The following DNAH14 variants were observed in gnomAD, a reference collection of about 807,000 sequenced individuals.
DNAH14 encodes the protein axonemal beta dynein heavy chain 14.
A neutral mutation model predicts 520.9 loss-of-function variants in DNAH14; 478 were observed. That is an observed-to-expected ratio of 0.92 (90% CI 0.85 to 0.99). DNAH14 has a LOEUF of 0.99. Among genes scored for constraint, DNAH14 ranks in the 50% least tolerant of loss-of-function variants. The pLI, the probability that DNAH14 is intolerant of heterozygous loss-of-function variation, is 0.00. For synonymous variants in DNAH14, 1,581 were observed against 1,757.2 expected (o/e 0.90, Z 2.51); for missense variants, 4,831 against 5,234.5 (o/e 0.92, Z 2.38).
At chr1:225,309,786 A>G (rs1184466638) in intron 60 of DNAH14, among the ~76,000 whole-genome samples, 3 of 152,044 alleles carry the variant, frequency 2.0e-5, no homozygotes, top group Non-Finnish European at 2.9e-5. Context: ...CCAGCTACTT[A>G]GGAGGCTGAG....
At chr1:225,011,090 C>T (rs1266289819) in intron 10 of DNAH14, among the ~76,000 whole-genome samples, 1 of 150,822 alleles carries the variant, frequency 6.6e-6, no homozygotes, top group Non-Finnish European at 1.5e-5. Context: ...TTGTGTGTCT[C>T]TATTTCCTTC....
At chr1:224,973,668 T>C (rs1458929445) in intron 7 of DNAH14, among the ~76,000 whole-genome samples, 1 of 152,210 alleles carries the variant, frequency 6.6e-6, no homozygotes, top group African/African-American at 2.4e-5. Flanking sequence ...CAAAATGACA[T>C]ACATTGCCTT....
intron 1 of DNAH14, among the ~76,000 whole-genome samples, chr1:224,941,253 A>G (rs2125399865): frequency 6.6e-6 from 1 of 152,034 alleles, no homozygotes; most frequent in East Asian, 1.9e-4. Flanking sequence ...TTTGATTTGC[A>G]TTTCTCTGAT....
At position 225,094,669 on chromosome 1, in the gene DNAH14, AAAAAAAAAACAACAAAACAAACAAAC is replaced by A. The variant is rs2074743111; in HGVS notation, c.3574-2441_3574-2416del. Among the ~76,000 whole-genome samples, 3 of 100,518 alleles carry A rather than the reference AAAAAAAAAACAACAAAACAAACAAAC, an allele frequency of 3.0e-5. No homozygotes were observed. The African/African-American group carries it at 3.2e-4, about 11-fold the overall frequency. 65.9% of individuals were successfully genotyped at this position (100,518 alleles called of 152,430 possible). On this transcript the variant is annotated intron_variant, in intron 21 of 85. Transcript: ENST00000682510. ...GCTTCTGCACAGCAAAAAAAAAAAA[AAAAAAAAAACAACAAAACAAACAAAC>A]AAAAAAACGCTATCAACAGAGTAAA...
intron 71 of DNAH14, among the ~76,000 whole-genome samples, chr1:225,349,098 G>A (rs1052663144): frequency 5.3e-5 from 8 of 152,118 alleles, no homozygotes; most frequent in Non-Finnish European, 1.0e-4. Flanking sequence ...CACCTCCCAA[G>A]TAGCTGGGAC....
At chr1:225,335,976 T>G (rs941118633) in intron 66 of DNAH14, among the ~76,000 whole-genome samples, 1 of 146,032 alleles carries the variant, frequency 6.8e-6, no homozygotes, top group East Asian at 2.0e-4. Flanking sequence ...TATATGTACA[T>G]ATGTGTATAT....
chr1:225,219,499 A>G (rs1286764287), intron 41 of DNAH14, among the ~76,000 whole-genome samples: 2 of 152,198 alleles, frequency 1.3e-5, no homozygotes, highest in Non-Finnish European at 2.9e-5. Flanking sequence ...CCACAGTAAT[A>G]CAAGCTACCA....
intron 17 of DNAH14, among the ~76,000 whole-genome samples, chr1:225,078,853 TCTCTCC>T (rs1282796226): frequency 2.3e-4 from 10 of 43,214 alleles, no homozygotes; most frequent in Admixed American, 4.6e-4. Context: ...CCTCTCTCTC[TCTCTCC>T]CTCTCTCTCT....
chr1:225,252,365 A>G lies in DNAH14; in HGVS notation c.6813A>G (p.Glu2271=). The G allele has an allele frequency of 6.5e-7, 1 of 1,549,948 alleles. No individual in the cohort carries two copies. Among genetic ancestry groups the G allele is most frequent in the Non-Finnish European group, 8.7e-7 (1 of 1,145,954 alleles). ...FGYFVDIEQC[E]FIPWSDLVPN... ...ATTTTGTGGATATAGAGCAATGTGAATTCATACCTTGGTCAGATTTAGTTC... is the reference window on the plus strand; with the variant it reads ...ATTTTGTGGATATAGAGCAATGTGAGTTCATACCTTGGTCAGATTTAGTTC... The change falls in exon 44 of 86, where the codon GAA becomes GAG. Residue 2271 remains glutamate (E), a synonymous_variant. Coordinates refer to ENST00000682510, the MANE Select transcript of DNAH14 (RefSeq NM_001367479.1).
At position 225,267,570 on chromosome 1, in the gene DNAH14, G is replaced by A. The variant is rs533480665; in HGVS notation, c.7539+801G>A. Among the ~76,000 whole-genome samples the A allele has an allele frequency of 1.1e-4, 16 of 152,130 alleles. No individual in the cohort carries two copies. The South Asian group carries it at 2.7e-3, about 26-fold the overall frequency. Reference sequence around the variant, plus strand: ...CTCCCAAAGTGCTGGGATTACAGGCGTGAGCCACCATGCCCGGCCAGAATG... The same window carrying A: ...CTCCCAAAGTGCTGGGATTACAGGCATGAGCCACCATGCCCGGCCAGAATG... On this transcript the variant is annotated intron_variant, in intron 49 of 85. Transcript: ENST00000682510.
intron 34 of DNAH14, among the ~76,000 whole-genome samples, chr1:225,157,745 G>T (rs1309203344): frequency 6.6e-6 from 1 of 151,996 alleles, no homozygotes; most frequent in Non-Finnish European, 1.5e-5. Flanking sequence ...AATAAAGTCT[G>T]GAACCCTTTT....
chr1:225,227,125 A>G (rs540179154), intron 41 of DNAH14, among the ~76,000 whole-genome samples: 1 of 151,736 alleles, frequency 6.6e-6, no homozygotes, highest in African/African-American at 2.4e-5. Context: ...CTCAACTGCA[A>G]AGAGGCCTTC....
At position 225,255,092 on chromosome 1, in the gene DNAH14, C is replaced by G. The variant is rs191806120; in HGVS notation, c.6865+2675C>G. Among the ~76,000 whole-genome samples the G allele has an allele frequency of 3.3e-5, 5 of 152,276 alleles. No homozygotes were observed. The East Asian group carries it at 9.6e-4, about 29-fold the overall frequency. On this transcript the variant is annotated intron_variant, in intron 44 of 85. Coordinates refer to ENST00000682510, the MANE Select transcript of DNAH14 (RefSeq NM_001367479.1). Reference sequence around the variant, plus strand: ...ATCCCAATATTGAGTACTGATGTGACAGACCATGACACAGAATTCTCTTTC... The same window carrying G: ...ATCCCAATATTGAGTACTGATGTGAGAGACCATGACACAGAATTCTCTTTC...
At chr1:225,294,229 T>C (rs373242092) in intron 55 of DNAH14, among the ~76,000 whole-genome samples, 1 of 152,170 alleles carries the variant, frequency 6.6e-6, no homozygotes, top group African/African-American at 2.4e-5. Flanking sequence ...GTTTATGCAG[T>C]GTATCATGTT....
rs922019024 is a variant in DNAH14, at chr1:225,278,862, G to T, written c.8271+1360G>T. The stretch of plus-strand genomic sequence containing the variant: ...ACTCAACTGGAATCTGGCCTTAATA[G>T]TTTCTCTGTAGATGTGTTATCACAA... On this transcript the variant is annotated intron_variant, in intron 54 of 85. Coordinates refer to ENST00000682510, the MANE Select transcript of DNAH14 (RefSeq NM_001367479.1). 2.0e-5 allele frequency among the ~76,000 whole-genome samples: 3 copies of T among 152,312 alleles called. No individual in the cohort carries two copies. In the East Asian group the frequency reaches 5.8e-4, roughly 29 times the overall value.
At chr1:225,168,205 G>A (rs184984567) in intron 36 of DNAH14, among the ~76,000 whole-genome samples, 177 bp downstream of exon 36, 2 of 152,184 alleles carry the variant, frequency 1.3e-5, no homozygotes, top group Non-Finnish European at 2.9e-5. Context: ...TGGCCAAATA[G>A]GAACAGCTCC....
At chr1:225,265,923 A>T (rs2093097152) in intron 48 of DNAH14, among the ~76,000 whole-genome samples, 1 of 150,322 alleles carries the variant, frequency 6.7e-6, no homozygotes, top group African/African-American at 2.4e-5. Context: ...TGTCTTAATA[A>T]ATATATATAT....
chr1:225,123,474 GC>G, intron 26 of DNAH14, 52 bp from the exon 27 acceptor site: 1 of 316,398 alleles, frequency 3.2e-6, no homozygotes, highest in South Asian at 3.3e-5. Flanking sequence ...TCATTAAATG[GC>G]CACAATCAAT....
At chr1:225,029,271 G>T (rs1214356161) in intron 11 of DNAH14, among the ~76,000 whole-genome samples, 1 of 151,958 alleles carries the variant, frequency 6.6e-6, no homozygotes, top group African/African-American at 2.4e-5. Flanking sequence ...CTAGGTGGGG[G>T]TGAGAGGAAC....
Sources: gnomAD v4.1 joint callset for allele counts (sites outside exome capture counted in the v4.1 genomes callset) on GRCh38, gnomAD v4.1.1 for gene constraint, MANE v1.5 for transcripts, NCBI Gene and HGNC (gene_info 2026-07-23, HGNC 2026-07-21) for gene names.